PGCKA1: variants seen among roughly 807,000 people sequenced by gnomAD.
PGCKA1 encodes the protein PDCD10 and GCKIII kinases associated 1, also known as PDCD10 and GCKIII kinases-associated protein 1.
the PGCKA1 span, among the ~76,000 whole-genome samples, chr4:37,534,847 C>T: frequency 6.6e-6 from 1 of 152,232 alleles, no homozygotes; most frequent in Non-Finnish European, 1.5e-5. Context: ...TATGTTTCAA[C>T]ATATGGATTT....
the PGCKA1 span, among the ~76,000 whole-genome samples, chr4:37,506,250 T>G: frequency 6.6e-6 from 1 of 152,184 alleles, no homozygotes; most frequent in African/African-American, 2.4e-5. Flanking sequence ...TTTGTTTATC[T>G]TTTGTATTTT....
the PGCKA1 span, among the ~76,000 whole-genome samples, chr4:37,479,352 T>C: frequency 6.6e-6 from 1 of 152,204 alleles, no homozygotes; most frequent in Non-Finnish European, 1.5e-5. Context: ...CCTTTTTTCT[T>C]TACTCTTGCT....
chr4:37,457,679 G>A, the PGCKA1 span, among the ~76,000 whole-genome samples: 1 of 152,098 alleles, frequency 6.6e-6, no homozygotes, highest in Non-Finnish European at 1.5e-5. Context: ...CTTTTATTTG[G>A]TCAGATTGTC....
the PGCKA1 span, among the ~76,000 whole-genome samples, chr4:37,568,293 T>A: frequency 6.6e-6 from 1 of 152,198 alleles, no homozygotes; most frequent in Admixed American, 6.5e-5. Context: ...CCTGGGAACT[T>A]ATTTTTTTAC....
chr4:37,460,644 G>A, the PGCKA1 span: 2 of 442,092 alleles, frequency 4.5e-6, no homozygotes, highest in East Asian at 1.4e-4. Context: ...TTTGAGAAGT[G>A]TCTGTTCATG....
chr4:37,461,692 C>T, the PGCKA1 span, among the ~76,000 whole-genome samples: 3 of 151,974 alleles, frequency 2.0e-5, no homozygotes, highest in Non-Finnish European at 2.9e-5. Context: ...CTGATGGAAT[C>T]GCTGTGGAGC....
the PGCKA1 span, among the ~76,000 whole-genome samples, chr4:37,552,345 A>G: frequency 6.6e-6 from 1 of 152,152 alleles, no homozygotes; most frequent in Admixed American, 6.5e-5. Context: ...AAGGGACAGA[A>G]ATTGTGCACT....
the PGCKA1 span, among the ~76,000 whole-genome samples, chr4:37,496,929 A>AT: frequency 1.1e-4 from 16 of 151,868 alleles, no homozygotes; most frequent in Admixed American, 3.9e-4. Flanking sequence ...AATACTAGTG[A>AT]TTTTTTTTAT....
the PGCKA1 span, among the ~76,000 whole-genome samples, chr4:37,474,945 A>G: frequency 6.6e-6 from 1 of 152,220 alleles, no homozygotes; most frequent in Non-Finnish European, 1.5e-5. Context: ...ATAAAAAATT[A>G]GTAGATTTTT....
At chr4:37,535,938 CCT>C in the PGCKA1 span, among the ~76,000 whole-genome samples, 1 of 152,220 alleles carries the variant, frequency 6.6e-6, no homozygotes, top group Non-Finnish European at 1.5e-5. Context: ...CTTGCTTCCT[CCT>C]CTGTTAGATG....
At chr4:37,536,732 G>A in the PGCKA1 span, among the ~76,000 whole-genome samples, 1 of 152,208 alleles carries the variant, frequency 6.6e-6, no homozygotes, top group Non-Finnish European at 1.5e-5. Context: ...CTGCTGTGTA[G>A]CTCAAAAGCA....
At chr4:37,564,838 G>A in the PGCKA1 span, among the ~76,000 whole-genome samples, 1 of 152,080 alleles carries the variant, frequency 6.6e-6, no homozygotes, top group Non-Finnish European at 1.5e-5. Flanking sequence ...AGATCCTTTA[G>A]TAATGATTGA....
At chr4:37,491,701 A>C in the PGCKA1 span, among the ~76,000 whole-genome samples, 1 of 152,142 alleles carries the variant, frequency 6.6e-6, no homozygotes, top group Non-Finnish European at 1.5e-5. Flanking sequence ...CTTTGAATCT[A>C]GAAAATCTAC....
At chr4:37,475,890 A>G in the PGCKA1 span, among the ~76,000 whole-genome samples, 3 of 151,862 alleles carry the variant, frequency 2.0e-5, no homozygotes, top group East Asian at 3.9e-4. Flanking sequence ...TTTGTGAAAT[A>G]ATTTTTCTTC....
the PGCKA1 span, among the ~76,000 whole-genome samples, chr4:37,464,106 G>T: frequency 6.6e-6 from 1 of 152,156 alleles, no homozygotes; most frequent in Admixed American, 6.5e-5. Context: ...ACCTCTGCAG[G>T]TGCTTACCCT....
chr4:37,532,495 C>T, the PGCKA1 span, among the ~76,000 whole-genome samples: 1 of 149,878 alleles, frequency 6.7e-6, no homozygotes, highest in African/African-American at 2.5e-5. Context: ...AATCAGTCCT[C>T]TAAATGGAAT....
the PGCKA1 span, among the ~76,000 whole-genome samples, chr4:37,455,331 T>C: frequency 6.6e-6 from 1 of 152,180 alleles, no homozygotes; most frequent in Non-Finnish European, 1.5e-5. Context: ...AGGTACATAA[T>C]TGAAACAATT....
At chr4:37,553,444 G>T in the PGCKA1 span, among the ~76,000 whole-genome samples, 1 of 152,150 alleles carries the variant, frequency 6.6e-6, no homozygotes, top group Non-Finnish European at 1.5e-5. Flanking sequence ...GCACAACGTA[G>T]ACACTTGTTT....
the PGCKA1 span, among the ~76,000 whole-genome samples, chr4:37,567,272 G>T: frequency 6.6e-6 from 1 of 152,138 alleles, no homozygotes; most frequent in African/African-American, 2.4e-5. Flanking sequence ...AAGTTGAAAT[G>T]AGTTAATACA....
Sources: allele counts gnomAD v4.1 joint callset (sites outside exome capture counted in the v4.1 genomes callset), GRCh38; gene constraint gnomAD v4.1.1; transcripts MANE v1.5; gene names NCBI Gene and HGNC (gene_info 2026-07-23, HGNC 2026-07-21).